The following ADAMTS19 variants were observed in gnomAD, a reference collection of about 807,000 sequenced individuals.
ADAMTS19 encodes the protein ADAM metallopeptidase with thrombospondin type 1 motif 19.
In ADAMTS19, 93 loss-of-function variants were observed where a neutral mutation model predicts 153.3. That is an observed-to-expected ratio of 0.61 (90% confidence interval 0.51 to 0.72). The LOEUF (loss-of-function observed/expected upper bound fraction) is 0.72. Among genes scored for constraint, ADAMTS19 ranks in the 30% least tolerant of loss-of-function variants. The pLI is 0.00. For missense variants in ADAMTS19, 1,482 were observed against 1,552.1 expected (o/e 0.95, Z 0.76); for synonymous variants, 600 against 556.6 (o/e 1.08, Z -1.10).
intron 2 of ADAMTS19, among the ~76,000 whole-genome samples, chr5:129,490,151 G>T (rs1037593743): frequency 6.6e-6 from 1 of 152,138 alleles, no homozygotes; most frequent in African/African-American, 2.4e-5. Context: ...CTGTTGGTTG[G>T]CTGAGCAGTT....
intron 3 of ADAMTS19, among the ~76,000 whole-genome samples, chr5:129,512,034 A>G (rs1006954810): frequency 6.6e-6 from 1 of 152,054 alleles, no homozygotes; most frequent in African/African-American, 2.4e-5. Context: ...TTGATAAGAC[A>G]CAGCCCTGGA....
In ADAMTS19 at chr5:129,657,577, T is replaced by C. The variant is rs556819268; in HGVS notation, c.2305-1040T>C. On this transcript the variant is annotated intron_variant, in intron 14 of 22. Transcript: ENST00000274487. ...AGGCAATTGATTTGGCCTTAGAAGA[T>C]TCCTATGAACGAAATTCTTCTGGGG... Among the ~76,000 whole-genome samples the C allele has an allele frequency of 2.5e-4, 38 of 152,290 alleles. No homozygotes were observed. The East Asian group carries it at 6.8e-3, about 27-fold the overall frequency.
intron 8 of ADAMTS19, among the ~76,000 whole-genome samples, chr5:129,617,408 A>G (rs1326228271): frequency 6.6e-6 from 1 of 152,054 alleles, no homozygotes; most frequent in Admixed American, 6.6e-5. Context: ...CTATTACACT[A>G]TGTTGGGAAA....
chr5:129,585,181 T>A (rs1749718825), intron 7 of ADAMTS19, among the ~76,000 whole-genome samples: 1 of 151,530 alleles, frequency 6.6e-6, no homozygotes, highest in Non-Finnish European at 1.5e-5. Context: ...ACTTCCCAGG[T>A]GAGGCAATGC....
chr5:129,698,201 G>A (rs749315546), intron 19 of ADAMTS19, among the ~76,000 whole-genome samples: 3 of 152,152 alleles, frequency 2.0e-5, no homozygotes, highest in Admixed American at 6.5e-5. Flanking sequence ...GGAAAAGGAG[G>A]CAATTTATTT....
intron 19 of ADAMTS19, among the ~76,000 whole-genome samples, chr5:129,698,828 A>C (rs1404394076): frequency 6.6e-6 from 1 of 152,184 alleles, no homozygotes; most frequent in Non-Finnish European, 1.5e-5. Flanking sequence ...AACTAAACTA[A>C]ATTTGGAAGA....
At chr5:129,486,947 T>G (rs993794214) in intron 2 of ADAMTS19, among the ~76,000 whole-genome samples, 6 of 152,182 alleles carry the variant, frequency 3.9e-5, no homozygotes, top group Non-Finnish European at 7.3e-5. Context: ...AAATAACCAC[T>G]GAGTGTGCAT....
At chr5:129,509,322 T>A in intron 3 of ADAMTS19, 80 bp downstream of exon 3, 1 of 1,220,742 alleles carries the variant, frequency 8.2e-7, no homozygotes, top group Non-Finnish European at 1.1e-6. Context: ...CTCGTCTATT[T>A]ACTAGCTTTA....
chr5:129,572,769 G>A (rs1289223877), intron 7 of ADAMTS19, among the ~76,000 whole-genome samples: 3 of 151,964 alleles, frequency 2.0e-5, no homozygotes, highest in Admixed American at 6.6e-5. Context: ...AGGGGAGGCT[G>A]TAAGTTTACA....
intron 16 of ADAMTS19, among the ~76,000 whole-genome samples, chr5:129,675,148 C>G (rs894478426): frequency 7.2e-5 from 11 of 152,098 alleles, no homozygotes; most frequent in Non-Finnish European, 1.2e-4. Context: ...TTTTAACGTG[C>G]TTTTTTCTCT....
intron 16 of ADAMTS19, among the ~76,000 whole-genome samples, chr5:129,668,226 G>T (rs544896938): frequency 6.6e-6 from 1 of 151,916 alleles, no homozygotes; most frequent in African/African-American, 2.4e-5. Flanking sequence ...CTCTTATAAG[G>T]CCTCGTATTT....
intron 8 of ADAMTS19, among the ~76,000 whole-genome samples, chr5:129,604,728 T>A (rs778053391): frequency 6.6e-6 from 1 of 152,212 alleles, no homozygotes; most frequent in Non-Finnish European, 1.5e-5. Context: ...TCAAAGGGTT[T>A]AGAATTTTTT....
At chr5:129,607,423 A>C (rs139768671) in intron 8 of ADAMTS19, among the ~76,000 whole-genome samples, 22 of 152,176 alleles carry the variant, frequency 1.4e-4, no homozygotes, top group Non-Finnish European at 2.6e-4. Flanking sequence ...AGTCTCCAAC[A>C]TATGTTGTAC....
chr5:129,713,591 A>G (rs997446275), intron 21 of ADAMTS19, among the ~76,000 whole-genome samples: 1 of 151,788 alleles, frequency 6.6e-6, no homozygotes, highest in South Asian at 2.1e-4. Context: ...CAAAACGCTG[A>G]CTCTCCTAAA....
In ADAMTS19 at chr5:129,535,561, C is replaced by T. The variant is rs1352271315; in HGVS notation, c.1328+6884C>T. Among the ~76,000 whole-genome samples, 3 of 152,262 alleles carry T rather than the reference C, an allele frequency of 2.0e-5. No individual in the cohort carries two copies. In the East Asian group the frequency reaches 5.8e-4, roughly 29 times the overall value. The stretch of plus-strand genomic sequence containing the variant: ...TTCTTCACAGAATTGGAAAAAGCTA[C>T]TTTAAAGTTCATAGGGAACCAAAAA... On this transcript the variant is annotated intron_variant, in intron 6 of 22. Transcript: ENST00000274487.
At chr5:129,693,353 C>T (rs1755418859) in intron 18 of ADAMTS19, among the ~76,000 whole-genome samples, 2 of 152,240 alleles carry the variant, frequency 1.3e-5, no homozygotes, top group South Asian at 4.1e-4. Flanking sequence ...GCAGAATGAC[C>T]TCCCTGCCAC....
intron 21 of ADAMTS19, among the ~76,000 whole-genome samples, chr5:129,723,998 T>C (rs1475641209): frequency 6.6e-6 from 1 of 152,176 alleles, no homozygotes; most frequent in South Asian, 2.1e-4. Context: ...GAAGGGAGTG[T>C]GTCTAGGTTA....
chr5:129,554,727 T>G (rs1260402736), intron 7 of ADAMTS19, among the ~76,000 whole-genome samples: 1 of 152,148 alleles, frequency 6.6e-6, no homozygotes, highest in African/African-American at 2.4e-5. Context: ...AGTTTAAGAC[T>G]TTTACGTTAC....
intron 17 of ADAMTS19, 53 bp downstream of exon 17, chr5:129,679,974 A>G (rs1202464739): frequency 6.5e-7 from 1 of 1,526,994 alleles, no homozygotes. Flanking sequence ...ATGGCAAGGA[A>G]TATTCCCAGT....
Sources: gnomAD v4.1 joint callset for allele counts (sites outside exome capture counted in the v4.1 genomes callset) on GRCh38, gnomAD v4.1.1 for gene constraint, MANE v1.5 for transcripts, NCBI Gene and HGNC (gene_info 2026-07-23, HGNC 2026-07-21) for gene names.